DNAI1: variants seen among roughly 807,000 people sequenced by gnomAD.
DNAI1 encodes dynein axonemal intermediate chain 1.
In DNAI1, 67 loss-of-function variants were observed where a neutral mutation model predicts 92.0. That is an observed-to-expected ratio of 0.73 (90% CI 0.60 to 0.89). DNAI1 has a LOEUF of 0.89. Among genes scored for constraint, DNAI1 ranks in the 40% least tolerant of loss-of-function variants. DNAI1 has a pLI of 0.00. For synonymous variants in DNAI1, 323 were observed against 319.6 expected, an observed-to-expected ratio of 1.01 and a Z score of -0.11; for missense variants, 839 against 866.6, an observed-to-expected ratio of 0.97 and a Z score of 0.40.
At chr9:34,468,863 C>T (rs1824088553) in intron 1 of DNAI1, among the ~76,000 whole-genome samples, 2 of 151,208 alleles carry the variant, frequency 1.3e-5, no homozygotes, top group South Asian at 2.1e-4. Flanking sequence ...AAAACAGGTG[C>T]CCTGTTACTG....
At chr9:34,489,565 C>G in intron 5 of DNAI1, 116 bp downstream of exon 5, 1 of 1,301,338 alleles carries the variant, frequency 7.7e-7, no homozygotes, top group Middle Eastern at 2.6e-4. Context: ...AACATAAACT[C>G]CAGGCCGGGC....
chr9:34,500,438 T>C (rs557368966), intron 10 of DNAI1, among the ~76,000 whole-genome samples: 17 of 152,296 alleles, frequency 1.1e-4, no homozygotes, highest in African/African-American at 2.6e-4. Context: ...ATTTTATCCA[T>C]GTAGACATGG....
At chr9:34,463,918 T>C (rs1823992743) in intron 1 of DNAI1, among the ~76,000 whole-genome samples, 1 of 152,072 alleles carries the variant, frequency 6.6e-6, no homozygotes, top group African/African-American at 2.4e-5. Flanking sequence ...TATCCACAGA[T>C]GAAAAGATAG....
chr9:34,467,808 G>C (rs764950739), intron 1 of DNAI1, among the ~76,000 whole-genome samples: 2 of 152,146 alleles, frequency 1.3e-5, no homozygotes, highest in Non-Finnish European at 2.9e-5. Context: ...TTGGACAATA[G>C]ACAACATAGG....
rs1030019140 is a variant in DNAI1 at position 34,493,308 on chromosome 9, C to A, written c.796C>A (p.Leu266Met). 6.2e-7 allele frequency: 1 copy of A among 1,614,114 alleles called. No individual in the cohort carries two copies. Among genetic ancestry groups the A allele is most frequent in the South Asian group, 1.1e-5 (1 of 91,084 alleles). Residue 266 changes from leucine to methionine, a missense_variant, in exon 9 of 20, where the codon CTG (leucine) becomes ATG (methionine). Coordinates refer to ENST00000242317, the MANE Select transcript of DNAI1 (RefSeq NM_012144.4). The stretch of plus-strand genomic sequence containing the variant: ...ATCAGGGAAGATGGCCATGAGGAAG[C>A]TGACATCTATGGAGTCTCAGGTTTG... ...KKSGKMAMRK[L>M]TSMESQTDDL...
At chr9:34,481,890 A>G (rs1245921342) in intron 1 of DNAI1, among the ~76,000 whole-genome samples, 1 of 152,236 alleles carries the variant, frequency 6.6e-6, no homozygotes, top group Non-Finnish European at 1.5e-5. Context: ...AAGATTCCAC[A>G]GTGTGGAAGG....
At chr9:34,497,940 G>T (rs1324773793) in intron 10 of DNAI1, among the ~76,000 whole-genome samples, 2 of 152,196 alleles carry the variant, frequency 1.3e-5, no homozygotes, top group African/African-American at 4.8e-5. Flanking sequence ...GGAAGAGGTT[G>T]TTGGAGCCCA....
intron 10 of DNAI1, among the ~76,000 whole-genome samples, chr9:34,499,452 T>A (rs1465490997): frequency 6.6e-6 from 1 of 152,226 alleles, no homozygotes; most frequent in African/African-American, 2.4e-5. Flanking sequence ...TTGTTGGTTG[T>A]CTGTTTTGTG....
rs141704318 is a variant in DNAI1, at chr9:34,489,417, G to C, written c.356G>C (p.Arg119Pro). 2 of 1,613,960 alleles carry C rather than the reference G, an allele frequency of 1.2e-6. No homozygotes were observed. The highest frequency in any genetic ancestry group is 1.1e-5 in the South Asian group (1 of 91,072). The change falls in exon 5 of 20, where the codon CGG (arginine) becomes CCG (proline). Residue 119 changes from arginine (R) to proline (P), a missense_variant. Coordinates refer to ENST00000242317, the MANE Select transcript of DNAI1 (RefSeq NM_012144.4). ...NLIPKDSDEG[R>P]RQHYRDELVA... Reference sequence around the variant, plus strand: ...ATCCCCAAAGACTCAGATGAAGGACGGCGGCAGCATTACCGCGATGAATTA... The same window carrying C: ...ATCCCCAAAGACTCAGATGAAGGACCGCGGCAGCATTACCGCGATGAATTA...
chr9:34,485,391 T>C (rs752932363), intron 3 of DNAI1, 46 bp from the exon 4 acceptor site: 6 of 1,602,332 alleles, frequency 3.7e-6, no homozygotes, highest in Non-Finnish European at 5.1e-6. Flanking sequence ...TCAGATAGGG[T>C]TGGGGGGTCT....
intron 8 of DNAI1, among the ~76,000 whole-genome samples, chr9:34,491,977 A>G (rs1467002241): frequency 1.3e-5 from 2 of 152,008 alleles, no homozygotes; most frequent in South Asian, 4.1e-4. Context: ...TCCCCCTTCA[A>G]GTCCTCCTGG....
rs1007628743 is a variant in DNAI1 at position 34,491,238 on chromosome 9, G to A, written c.622-257G>A. 11 of 563,904 alleles carry A rather than the reference G, an allele frequency of 2.0e-5. 1 individual carries two copies. Among genetic ancestry groups the A allele is most frequent in the Middle Eastern group, 9.8e-4 (2 of 2,046 alleles). 34.9% of individuals were successfully genotyped at this position (563,904 alleles called of 1,614,324 possible). On this transcript the variant is annotated intron_variant, in intron 7 of 19. Coordinates refer to ENST00000242317, the MANE Select transcript of DNAI1 (RefSeq NM_012144.4). ...TCATCCCCCACTTAGACTGTATCTT[G>A]GTTAAAATGGGCACAGTCAGGCTTC...
At position 34,479,762 on chromosome 9, in the gene DNAI1, AG is replaced by A. The variant is rs372747081; in HGVS notation, c.49-3683del. ...GGCTCGTGTGGCTTAGCCTCAGAGA[AG>A]GGTTCCCATCATTGGAAACCTTGGC... On this transcript the variant is annotated intron_variant, in intron 1 of 19. Coordinates refer to ENST00000242317, the MANE Select transcript of DNAI1 (RefSeq NM_012144.4). Among the ~76,000 whole-genome samples, 21 of 152,274 alleles carry A rather than the reference AG, an allele frequency of 1.4e-4. No individual in the cohort carries two copies. In the East Asian group the frequency reaches 3.7e-3, roughly 27 times the overall value.
intron 19 of DNAI1, among the ~76,000 whole-genome samples, chr9:34,519,185 T>C (rs1825222139): frequency 6.6e-6 from 1 of 152,174 alleles, no homozygotes; most frequent in South Asian, 2.1e-4. Context: ...CCTCTGGGCA[T>C]CCCTACTGCC....
intron 1 of DNAI1, among the ~76,000 whole-genome samples, chr9:34,474,090 T>C (rs1377348930): frequency 2.6e-5 from 4 of 152,142 alleles, no homozygotes; most frequent in African/African-American, 7.2e-5. Flanking sequence ...TAACATCCCA[T>C]TGAATTGCTA....
At chr9:34,511,971 A>G (rs187177043) in intron 13 of DNAI1, 138 bp from the exon 14 acceptor site, 60 of 770,750 alleles carry the variant, frequency 7.8e-5, no homozygotes, top group African/African-American at 6.0e-4. Context: ...GAAAGGACCA[A>G]TCATGGGATT....
In DNAI1 at chr9:34,491,483, C is replaced by G. The variant is rs555556869; in HGVS notation, c.622-12C>G. ...GGGCTTTTTGTGGGTCTCCTGTTGT[C>G]TTGTTCTTTAGGATCGAGAATGCCA... On this transcript the variant is annotated splice_polypyrimidine_tract_variant and intron_variant, in intron 7 of 19. Coordinates refer to ENST00000242317, the MANE Select transcript of DNAI1 (RefSeq NM_012144.4). The G allele has an allele frequency of 1.2e-6, 2 of 1,614,156 alleles. No homozygotes were observed. The highest frequency in any genetic ancestry group is 2.7e-5 in the African/African-American group (2 of 75,032).
chr9:34,508,597 C>T (rs1824988898), intron 13 of DNAI1, among the ~76,000 whole-genome samples: 1 of 152,180 alleles, frequency 6.6e-6, no homozygotes. Flanking sequence ...GCTTTCCCAG[C>T]TCAGATAGCC....
chr9:34,490,637 G>T, intron 7 of DNAI1, 149 bp downstream of exon 7: 2 of 1,204,490 alleles, frequency 1.7e-6, no homozygotes, highest in Non-Finnish European at 2.4e-6. Flanking sequence ...GGAGAGCTGA[G>T]AGCATGTGTT....
Sources: allele counts gnomAD v4.1 joint callset (sites outside exome capture counted in the v4.1 genomes callset), GRCh38; gene constraint gnomAD v4.1.1; transcripts MANE v1.5; gene names NCBI Gene and HGNC (gene_info 2026-07-23, HGNC 2026-07-21).